Variants in OPRM1 observed in about 807,000 individuals in gnomAD.
The protein encoded by OPRM1 is mu-type opioid receptor.
Under a neutral mutation model 31.8 loss-of-function variants are expected in OPRM1, and 27 were observed. The ratio of observed to expected loss-of-function variants is 0.85; its 90% CI spans 0.63 to 1.17. The LOEUF (loss-of-function observed/expected upper bound fraction) is 1.17, where lower values mean the gene tolerates loss of function less well. OPRM1 is among the 50% of genes most tolerant of loss of function. OPRM1 has a pLI of 0.00. For synonymous variants in OPRM1, 196 were observed against 189.9 expected, an observed-to-expected ratio of 1.03 and a Z score of -0.26; for missense variants, 536 against 511.1, an observed-to-expected ratio of 1.05 and a Z score of -0.47.
intron 3 of OPRM1, among the ~76,000 whole-genome samples, chr6:154,221,812 T>G (rs934427260): frequency 6.6e-6 from 1 of 152,084 alleles, no homozygotes; most frequent in Non-Finnish European, 1.5e-5. Flanking sequence ...AGGCAGAGCT[T>G]GCAGTGAGCC....
rs1797190896 is a variant in OPRM1, at chr6:154,119,534, C to A, written c.*813C>A. 1 of 665,598 alleles carries A rather than the reference C, an allele frequency of 1.5e-6. No individual in the cohort carries two copies. The highest frequency in any genetic ancestry group is 1.9e-6 in the Non-Finnish European group (1 of 538,220). The allele number at this position is 665,598 out of a possible 1,614,324, so 41.2% of individuals were successfully genotyped here. Reference sequence around the variant, plus strand: ...GTAATAGTCAATGAGCTCATCACTTCATCCATGCAGGAAGTCAAGCATTAA... The same window carrying A: ...GTAATAGTCAATGAGCTCATCACTTAATCCATGCAGGAAGTCAAGCATTAA... On this transcript the variant is annotated 3_prime_UTR_variant, in exon 4 of 4. Transcript: ENST00000330432.
At chr6:154,223,289 G>A (rs1779007874) in intron 3 of OPRM1, 1 of 1,366,286 alleles carries the variant, frequency 7.3e-7, no homozygotes, top group Admixed American at 1.7e-5. Flanking sequence ...CATCAATCCT[G>A]GGGATTAGTG....
intron 3 of OPRM1, among the ~76,000 whole-genome samples, chr6:154,138,453 G>T (rs897203111): frequency 6.6e-6 from 1 of 152,188 alleles, no homozygotes; most frequent in African/African-American, 2.4e-5. Flanking sequence ...TCAGGACTTT[G>T]CTCAAAGTCC....
rs967988459 is a variant in OPRM1, at chr6:154,122,348, A to G, written c.*3627A>G. On this transcript the variant is annotated 3_prime_UTR_variant, in exon 4 of 4. Coordinates refer to ENST00000330432, the MANE Select transcript of OPRM1 (RefSeq NM_000914.5). ...AACATAAGTCTTTACTCACAGGCCT[A>G]TTGCTTGGTTTCAGAAGAGTGAGAA... Among the ~76,000 whole-genome samples the G allele has an allele frequency of 2.6e-5, 4 of 152,124 alleles. No homozygotes were observed. Among genetic ancestry groups the G allele is most frequent in the African/African-American group, 4.8e-5 (2 of 41,436 alleles).
chr6:154,165,451 T>A (rs1236072843), intron 3 of OPRM1, among the ~76,000 whole-genome samples: 1 of 152,246 alleles, frequency 6.6e-6, no homozygotes, highest in East Asian at 1.9e-4. Context: ...TTGCTTTTGT[T>A]CAGCTTCTTC....
chr6:154,117,970 AT>A (rs1470578562), intron 3 of OPRM1, among the ~76,000 whole-genome samples: 8 of 152,220 alleles, frequency 5.3e-5, no homozygotes, highest in East Asian at 1.9e-4. Context: ...TTTTAAAAAA[AT>A]GATCTTTTAC....
intron 3 of OPRM1, among the ~76,000 whole-genome samples, chr6:154,240,784 C>G (rs1184878029): frequency 6.6e-6 from 1 of 152,184 alleles, no homozygotes; most frequent in Non-Finnish European, 1.5e-5. Flanking sequence ...ACTTCAATCC[C>G]CAAACATGCA....
chr6:154,228,845 G>A (rs924798694), intron 3 of OPRM1, among the ~76,000 whole-genome samples: 1 of 152,188 alleles, frequency 6.6e-6, no homozygotes, highest in South Asian at 2.1e-4. Context: ...CTGAGATGGT[G>A]CCACTTGCAC....
At chr6:154,203,477 A>C (rs995813052) in intron 3 of OPRM1, among the ~76,000 whole-genome samples, 5 of 152,240 alleles carry the variant, frequency 3.3e-5, no homozygotes, top group African/African-American at 1.2e-4. Context: ...AGCCTTCTGT[A>C]TCCATGGATT....
rs111250566 is a variant in OPRM1, at chr6:154,131,888, AC to A, written c.*13168del. Among the ~76,000 whole-genome samples, 1,568 of 151,944 alleles carry A rather than the reference AC, an allele frequency of 0.01. 36 individuals are homozygous for A. Among genetic ancestry groups the A allele is most frequent in the African/African-American group, 0.035 (1,440 of 41,468 alleles). ...GCACAAAAAGGAATGTTAAAAAAAA[AC>A]ACACAACATTGTTTTCCTTTTGATG... is the stretch of plus-strand genomic sequence containing the variant. On this transcript the variant is annotated 3_prime_UTR_variant, in exon 4 of 4. Coordinates refer to ENST00000330432, the MANE Select transcript of OPRM1 (RefSeq NM_000914.5).
At chr6:154,021,197 C>T (rs988699772) in intron 1 of OPRM1, among the ~76,000 whole-genome samples, 5 of 152,162 alleles carry the variant, frequency 3.3e-5, no homozygotes, top group African/African-American at 4.8e-5. Context: ...CATTGTTCAG[C>T]ACCATTTGTT....
At chr6:154,159,502 A>G (rs1362123282) in intron 3 of OPRM1, 1 of 298,360 alleles carries the variant, frequency 3.4e-6, no homozygotes, top group Non-Finnish European at 6.1e-6. Flanking sequence ...ATTCTTGTCC[A>G]TAGCATTCTC....
intron 1 of OPRM1, among the ~76,000 whole-genome samples, chr6:154,064,735 T>C (rs975515772): frequency 3.3e-5 from 5 of 152,216 alleles, no homozygotes; most frequent in Non-Finnish European, 7.3e-5. Context: ...ACACCATTTG[T>C]TGAAAAGACT....
chr6:154,198,631 T>TACACAC (rs3070838), intron 3 of OPRM1, among the ~76,000 whole-genome samples: 4,492 of 146,660 alleles, frequency 0.031, 80 homozygotes, highest in Middle Eastern at 0.059. Flanking sequence ...AAATATTACA[T>TACACAC]ACACACACAC....
intron 3 of OPRM1, among the ~76,000 whole-genome samples, chr6:154,111,190 A>G (rs765662526): frequency 5.3e-5 from 8 of 152,158 alleles, no homozygotes; most frequent in Middle Eastern, 3.2e-3. Context: ...GATTCAGGCA[A>G]TGGAGCTTGG....
chr6:154,156,583 T>A (rs1583665572), intron 3 of OPRM1: 2 of 152,296 alleles, frequency 1.3e-5, no homozygotes, highest in South Asian at 4.1e-4. Context: ...AACTACAAAG[T>A]GCTGTGTAAA....
intron 3 of OPRM1, among the ~76,000 whole-genome samples, chr6:154,139,031 C>T (rs1198572543): frequency 6.6e-6 from 1 of 152,236 alleles, no homozygotes; most frequent in African/African-American, 2.4e-5. Context: ...TCAGCACTCC[C>T]TGACTCACTG....
At chr6:154,236,094 A>G (rs1035355259) in intron 3 of OPRM1, among the ~76,000 whole-genome samples, 4 of 152,150 alleles carry the variant, frequency 2.6e-5, no homozygotes, top group Admixed American at 1.3e-4. Context: ...TCTCATCTCT[A>G]TTGTGAATAT....
chr6:154,194,814 A>C (rs1175514288), intron 3 of OPRM1, among the ~76,000 whole-genome samples: 9 of 152,200 alleles, frequency 5.9e-5, no homozygotes, highest in Non-Finnish European at 1.2e-4. Context: ...CTGACACAGG[A>C]TCAGAGAAAG....
Sources: gnomAD v4.1 joint callset for allele counts (sites outside exome capture counted in the v4.1 genomes callset) on GRCh38, gnomAD v4.1.1 for gene constraint, MANE v1.5 for transcripts, NCBI Gene and HGNC (gene_info 2026-07-23, HGNC 2026-07-21) for gene names.